The following CHRNA5 variants were observed in gnomAD, a reference collection of about 807,000 sequenced individuals.
CHRNA5 encodes the protein neuronal acetylcholine receptor subunit alpha-5.
A neutral mutation model predicts 41.2 loss-of-function variants in CHRNA5; 28 were observed. That is an observed-to-expected ratio of 0.68 (90% CI 0.50 to 0.93). CHRNA5 has a LOEUF of 0.93. Among genes scored for constraint, CHRNA5 ranks in the 40% least tolerant of loss-of-function variants. CHRNA5 has a pLI of 0.00. For synonymous variants in CHRNA5, 188 were observed against 205.8 expected, an observed-to-expected ratio of 0.91 and a Z score of 0.74; for missense variants, 481 against 581.9, an observed-to-expected ratio of 0.83 and a Z score of 1.78.
intron 1 of CHRNA5, among the ~76,000 whole-genome samples, chr15:78,577,089 T>C (rs191625402): frequency 3.1e-4 from 47 of 152,198 alleles, no homozygotes; most frequent in Middle Eastern, 3.2e-3. Flanking sequence ...TAAACATCAA[T>C]GTGGGCTAGA....
exon 6 of CHRNA5, chr15:78,595,143 G>A (rs1260349183): frequency 8.0e-6 from 2 of 249,980 alleles, no homozygotes; most frequent in South Asian, 1.5e-4. Flanking sequence ...CATTTAATGA[G>A]TGAAAGCCTG....
At chr15:78,591,951 G>A (rs1289460629) in intron 5 of CHRNA5, among the ~76,000 whole-genome samples, 1 of 152,218 alleles carries the variant, frequency 6.6e-6, no homozygotes, top group African/African-American at 2.4e-5. Flanking sequence ...TTTAATAAAT[G>A]TCTGCAAAGT....
At chr15:78,590,771 AT>A in intron 5 of CHRNA5, 135 bp downstream of exon 5, 3 of 706,328 alleles carry the variant, frequency 4.2e-6, no homozygotes, top group Non-Finnish European at 4.6e-6. Flanking sequence ...AATTGTTGAC[AT>A]ATTTTCTATA....
intron 1 of CHRNA5, among the ~76,000 whole-genome samples, chr15:78,574,972 T>TTA (rs1555415133): frequency 1.5e-5 from 2 of 135,274 alleles, no homozygotes; most frequent in Non-Finnish European, 3.1e-5. Flanking sequence ...GACCCTGTCT[T>TTA]AAAAAAAAAA....
chr15:78,582,520 G>A (rs2052922814), intron 2 of CHRNA5, among the ~76,000 whole-genome samples: 1 of 151,822 alleles, frequency 6.6e-6, no homozygotes. Context: ...AAGTAAGGTG[G>A]GTGGGGCTTG....
chr15:78,575,794 C>A (rs886553228), intron 1 of CHRNA5, among the ~76,000 whole-genome samples: 2 of 152,158 alleles, frequency 1.3e-5, no homozygotes, highest in African/African-American at 4.8e-5. Flanking sequence ...AAATCATATC[C>A]AAAGTTGAGT....
Position 78,586,628 on chromosome 15 carries a change from AT to A in CHRNA5, c.259-12del, listed in dbSNP as rs777570565. 1.4e-6 allele frequency: 2 copies of A among 1,442,216 alleles called. No individual in the cohort carries two copies. The highest frequency in any genetic ancestry group is 2.5e-5 in the South Asian group (2 of 79,612). 89.3% of individuals were successfully genotyped at this position (1,442,216 alleles called of 1,614,324 possible). ...TGTAATTGAAATCAATCTTATTTAA[AT>A]TTTTATTTTTTAAAGGATGAGAAAA... On this transcript the variant is annotated splice_polypyrimidine_tract_variant and intron_variant, in intron 2 of 5. Transcript: ENST00000299565.
chr15:78,590,815 G>C (rs2053006354), intron 5 of CHRNA5, 179 bp downstream of exon 5: 5 of 585,086 alleles, frequency 8.5e-6, no homozygotes, highest in Non-Finnish European at 1.5e-5. Context: ...TTCAGTTAAA[G>C]CACCTGCAAA....
At chr15:78,572,958 T>TGTCAAAATGA (rs2052820238) in intron 1 of CHRNA5, among the ~76,000 whole-genome samples, 1 of 152,216 alleles carries the variant, frequency 6.6e-6, no homozygotes, top group South Asian at 2.1e-4. Flanking sequence ...CTTCTGGATT[T>TGTCAAAATGA]GAATTTTGAC....
intron 5 of CHRNA5, 126 bp from the exon 6 acceptor site, chr15:78,592,966 T>G (rs2053034755): frequency 1.1e-5 from 13 of 1,142,474 alleles, no homozygotes; most frequent in Middle Eastern, 3.0e-4. Flanking sequence ...ATAGGGTCAC[T>G]TACCGTTTAG....
intron 1 of CHRNA5, among the ~76,000 whole-genome samples, chr15:78,575,815 T>A (rs1875869): frequency 0.039 from 5,996 of 152,304 alleles, 358 homozygotes; most frequent in African/African-American, 0.12. Flanking sequence ...AACTTATCTA[T>A]CTTTTTGGTT....
chr15:78,588,294 C>G lies in CHRNA5; in HGVS notation c.304-20C>G. ...ACTATTAGTTTTATTGAAATTGAGGCAGATTTCTTTGTTTTAAAGGAATGG... is the reference window on the plus strand; with the variant it reads ...ACTATTAGTTTTATTGAAATTGAGGGAGATTTCTTTGTTTTAAAGGAATGG... On this transcript the variant is annotated intron_variant, in intron 3 of 5. Transcript: ENST00000299565. The surrounding 1 kb of genome is among the most constrained non-coding windows in gnomAD (Gnocchi z 4.1). 1 of 1,276,388 alleles carries G rather than the reference C, an allele frequency of 7.8e-7. No individual in the cohort carries two copies. The highest frequency in any genetic ancestry group is 1.1e-6 in the Non-Finnish European group (1 of 906,746). 79.1% of individuals were successfully genotyped at this position (1,276,388 alleles called of 1,614,324 possible). A position where few individuals can be genotyped will look rare whatever the true frequency, so the allele number is the denominator to read the frequency against.
chr15:78,578,267 G>A (rs1234283062), intron 1 of CHRNA5, among the ~76,000 whole-genome samples: 1 of 152,212 alleles, frequency 6.6e-6, no homozygotes, highest in African/African-American at 2.4e-5. Context: ...CAGCACTTTG[G>A]GAGGCCGAGG....
In CHRNA5 at chr15:78,580,016, A is replaced by G. The variant is rs56740585; in HGVS notation, c.107-795A>G. 9.1e-3 allele frequency among the ~76,000 whole-genome samples: 1,380 copies of G among 152,264 alleles called. 34 individuals carry two copies. Among genetic ancestry groups the G allele is most frequent in the African/African-American group, 0.03 (1,251 of 41,544 alleles). ...TATGACAGGCCAGGCACAGTGGCTC[A>G]CAGCTGTGATCCCAGCACTATGGGA... On this transcript the variant is annotated intron_variant, in intron 1 of 5. Transcript: ENST00000299565.
chr15:78,593,297 T>G, exon 6 of CHRNA5: 1 of 1,513,480 alleles, frequency 6.6e-7, no homozygotes, highest in East Asian at 2.3e-5. Context: ...AACACACATA[T>G]ATCTGATGGC....
chr15:78,578,243 C>T (rs557272902), intron 1 of CHRNA5, among the ~76,000 whole-genome samples: 1 of 152,316 alleles, frequency 6.6e-6, no homozygotes, highest in Admixed American at 6.5e-5. Context: ...CGCAGTGGCT[C>T]ACGCCTGTAA....
chr15:78,577,981 A>T (rs1394533875), intron 1 of CHRNA5, among the ~76,000 whole-genome samples: 1 of 151,406 alleles, frequency 6.6e-6, no homozygotes, highest in African/African-American at 2.4e-5. Context: ...TTAACCCTTA[A>T]ATTTTTGGTA....
At chr15:78,589,043 T>C (rs1596063683) in intron 4 of CHRNA5, 1 of 152,342 alleles carries the variant, frequency 6.6e-6, no homozygotes, top group East Asian at 1.9e-4. Flanking sequence ...GCAACTGCTA[T>C]GCAAAAATAT....
At chr15:78,578,776 A>G (rs1373628608) in intron 1 of CHRNA5, among the ~76,000 whole-genome samples, 1 of 152,208 alleles carries the variant, frequency 6.6e-6, no homozygotes, top group African/African-American at 2.4e-5. Context: ...TGTAATCCTT[A>G]TGTGTATATT....
Sources: allele counts gnomAD v4.1 joint callset (sites outside exome capture counted in the v4.1 genomes callset), GRCh38; gene constraint gnomAD v4.1.1; non-coding constraint Gnocchi (gnomAD v3.1); transcripts MANE v1.5; gene names NCBI Gene and HGNC (gene_info 2026-07-23, HGNC 2026-07-21).